Variants in CLDN16 observed in about 807,000 individuals in gnomAD.
CLDN16 encodes the protein claudin-16.
In CLDN16, 13 loss-of-function variants were observed where a neutral mutation model predicts 24.6. The observed-to-expected ratio is 0.53, with a 90% CI of 0.34 to 0.84. CLDN16 has a LOEUF of 0.84. Ranked by LOEUF, CLDN16 falls within the 40% of genes least tolerant of loss-of-function variation. The probability of loss-of-function intolerance (pLI) is 0.01; values close to 1 mark genes in which losing one functional copy is unlikely to be tolerated. For synonymous variants in CLDN16, 116 were observed against 106.7 expected, an observed-to-expected ratio of 1.09 and a Z score of -0.54; for missense variants, 298 against 292.7, an observed-to-expected ratio of 1.02 and a Z score of -0.13.
At chr3:190,333,928 T>C (rs1425195942) in intron 1 of CLDN16, among the ~76,000 whole-genome samples, 1 of 152,126 alleles carries the variant, frequency 6.6e-6, no homozygotes, top group African/African-American at 2.4e-5. Flanking sequence ...GTAAATTTTA[T>C]GAAAATTTTA....
the CLDN16 span, among the ~76,000 whole-genome samples, chr3:190,300,356 T>C: frequency 0.26 from 38,894 of 150,924 alleles, 5,357 homozygotes; most frequent in Middle Eastern, 0.28. Flanking sequence ...CCCCATGGGC[T>C]GGCCACAAGG....
intron 3 of CLDN16, among the ~76,000 whole-genome samples, chr3:190,378,779 A>T (rs1409546049): frequency 2.6e-5 from 4 of 151,900 alleles, no homozygotes; most frequent in Non-Finnish European, 5.9e-5. Context: ...TTTCCACTGG[A>T]CGTTTGCCTG....
intron 1 of CLDN16, among the ~76,000 whole-genome samples, chr3:190,336,307 A>G (rs572073681): frequency 6.6e-6 from 1 of 152,306 alleles, no homozygotes; most frequent in Non-Finnish European, 1.5e-5. Flanking sequence ...ATGCCATAAT[A>G]AGGCAGATGT....
At chr3:190,308,217 T>C in the CLDN16 span, 1 of 1,578,254 alleles carries the variant, frequency 6.3e-7, no homozygotes, top group African/African-American at 1.3e-5. Context: ...ATGTTAATGA[T>C]AGTATCTCAA....
intron 1 of CLDN16, among the ~76,000 whole-genome samples, chr3:190,363,434 G>A (rs1717943695): frequency 6.7e-6 from 1 of 149,756 alleles, no homozygotes; most frequent in Non-Finnish European, 1.5e-5. Flanking sequence ...AATAGGTCTG[G>A]TTTATATGTA....
At chr3:190,359,146 A>G (rs1292143069) in intron 1 of CLDN16, among the ~76,000 whole-genome samples, 1 of 152,034 alleles carries the variant, frequency 6.6e-6, no homozygotes, top group Admixed American at 6.6e-5. Flanking sequence ...AAATGCTACA[A>G]TTTGGTCATT....
chr3:190,380,491 A>G (rs1386826484), intron 3 of CLDN16, among the ~76,000 whole-genome samples: 1 of 152,088 alleles, frequency 6.6e-6, no homozygotes, highest in Non-Finnish European at 1.5e-5. Context: ...AAAGCATTTT[A>G]GGCAGAAGAA....
chr3:190,399,379 G>A (rs1350539807), intron 1 of CLDN16, among the ~76,000 whole-genome samples: 4 of 151,940 alleles, frequency 2.6e-5, no homozygotes, highest in African/African-American at 9.7e-5. Flanking sequence ...TGGCGTGGTG[G>A]CGCATGCCTG....
chr3:190,392,333 A>C (rs542947733), intron 1 of CLDN16, among the ~76,000 whole-genome samples: 1 of 145,762 alleles, frequency 6.9e-6, no homozygotes, highest in Non-Finnish European at 1.5e-5. Flanking sequence ...TTTCCCTCCT[A>C]TATCCTTCTT....
intron 1 of CLDN16, among the ~76,000 whole-genome samples, chr3:190,343,435 C>CG (rs1262665511): frequency 6.6e-6 from 1 of 152,124 alleles, no homozygotes; most frequent in East Asian, 1.9e-4. Context: ...TATGATCCAG[C>CG]AATATCTCTT....
At chr3:190,337,627 CA>C (rs1370414296) in intron 1 of CLDN16, among the ~76,000 whole-genome samples, 3 of 152,176 alleles carry the variant, frequency 2.0e-5, no homozygotes, top group Non-Finnish European at 4.4e-5. Flanking sequence ...TATTCTTTGA[CA>C]AAACCAGCCA....
chr3:190,354,852 T>C (rs1247706831), intron 1 of CLDN16, among the ~76,000 whole-genome samples: 3 of 152,026 alleles, frequency 2.0e-5, no homozygotes, highest in Admixed American at 2.0e-4. Flanking sequence ...GATCCATTCC[T>C]GCCCTTTCTG....
At position 190,404,799 on chromosome 3, in the gene CLDN16, A is replaced by G; in HGVS notation, c.255A>G (p.Ala85=). Residue 85 remains alanine (A), a synonymous_variant, in exon 3 of 5, where the codon GCA becomes GCG. Transcript: ENST00000264734. The part of the protein sequence containing the change: ...LVVTRALMIT[A]DILAGFGFLT... The stretch of plus-strand genomic sequence containing the variant: ...TAACTCGAGCGTTGATGATTACTGC[A>G]GATATTCTAGCTGGGTTTGGATTTC... 1 of 1,614,122 alleles carries G rather than the reference A, an allele frequency of 6.2e-7. No individual in the cohort carries two copies.
chr3:190,398,353 G>T (rs150677074), intron 1 of CLDN16, among the ~76,000 whole-genome samples: 1 of 152,186 alleles, frequency 6.6e-6, no homozygotes, highest in South Asian at 2.1e-4. Flanking sequence ...GGAAGAATCC[G>T]TTCTTAGCCT....
At chr3:190,391,208 GTT>G (rs57481102) in intron 1 of CLDN16, among the ~76,000 whole-genome samples, 9 of 135,766 alleles carry the variant, frequency 6.6e-5, no homozygotes, top group African/African-American at 2.1e-4. Context: ...TACTTTTCCA[GTT>G]TTTTTTTTTT....
intron 1 of CLDN16, among the ~76,000 whole-genome samples, chr3:190,326,394 A>G (rs1012764565): frequency 5.3e-5 from 8 of 152,232 alleles, no homozygotes; most frequent in African/African-American, 1.9e-4. Context: ...TTCTCTAGAA[A>G]GAAGACACAA....
the CLDN16 span, among the ~76,000 whole-genome samples, chr3:190,312,194 G>A: frequency 6.6e-6 from 1 of 151,712 alleles, no homozygotes; most frequent in African/African-American, 2.4e-5. Flanking sequence ...GCCTCCAAAA[G>A]TGCTGGGATT....
At chr3:190,388,542 A>G in intron 1 of CLDN16, 99 bp downstream of exon 1, 4 of 992,050 alleles carry the variant, frequency 4.0e-6, no homozygotes, top group South Asian at 1.3e-5. Context: ...ACTAAGGCTA[A>G]TGATACCAAA....
chr3:190,332,774 A>ATTTTT (rs5855323), intron 1 of CLDN16, among the ~76,000 whole-genome samples: 1 of 147,870 alleles, frequency 6.8e-6, no homozygotes. Flanking sequence ...GCAGAGCATG[A>ATTTTT]TTTTTTTTTT....
Sources: allele counts gnomAD v4.1 joint callset (sites outside exome capture counted in the v4.1 genomes callset), GRCh38; gene constraint gnomAD v4.1.1; transcripts MANE v1.5; gene names NCBI Gene and HGNC (gene_info 2026-07-23, HGNC 2026-07-21).